Variants in TENT4B observed in about 807,000 individuals in gnomAD.
TENT4B encodes the protein terminal nucleotidyltransferase 4B.
Under a neutral mutation model 75.0 loss-of-function variants are expected in TENT4B, and 10 were observed. The ratio of observed to expected loss-of-function variants is 0.13; its 90% CI spans 0.08 to 0.23. TENT4B has a LOEUF of 0.23. Ranked by LOEUF, TENT4B falls within the 10% of genes least tolerant of loss-of-function variation. The pLI, the probability that TENT4B is intolerant of heterozygous loss-of-function variation, is 1.00. For synonymous variants in TENT4B, 350 were observed against 357.7 expected (o/e 0.98, Z 0.24); for missense variants, 579 against 893.8 (o/e 0.65, Z 4.49).
intron 1 of TENT4B, among the ~76,000 whole-genome samples, chr16:50,165,066 T>G (rs1347835635): frequency 6.6e-6 from 1 of 152,046 alleles, no homozygotes. Flanking sequence ...AAATTTTTTT[T>G]TTTTTTTACT....
rs563904430 is a variant in TENT4B at position 50,205,840 on chromosome 16, C to T, written c.639-5483C>T. 4.7e-3 allele frequency among the ~76,000 whole-genome samples: 722 copies of T among 152,228 alleles called. 4 individuals are homozygous for T. The highest frequency in any genetic ancestry group is 0.02 in the Middle Eastern group (6 of 294). ...TCCTGACATCAAGTGATCTACCCGC[C>T]TCAGCCTCCCAAAGTGCTGGGATTA... is the stretch of plus-strand genomic sequence containing the variant. On this transcript the variant is annotated intron_variant, in intron 1 of 11. Coordinates refer to ENST00000561678, the MANE Select transcript of TENT4B (RefSeq NM_001365324.3).
At chr16:50,221,324 G>A (rs571756725) in intron 5 of TENT4B, among the ~76,000 whole-genome samples, 32 of 152,320 alleles carry the variant, frequency 2.1e-4, no homozygotes, top group African/African-American at 6.0e-4. Flanking sequence ...AAGATGTTGT[G>A]CCTGCTTTGT....
rs567454925 is a variant in TENT4B, at chr16:50,233,047, G to T, written c.*3719G>T. The T allele has an allele frequency of 1.5e-5, 15 of 984,888 alleles. No homozygotes were observed. The African/African-American group carries it at 2.6e-4, about 17-fold the overall frequency. 61.0% of individuals were successfully genotyped at this position (984,888 alleles called of 1,614,324 possible). On this transcript the variant is annotated 3_prime_UTR_variant, in exon 12 of 12. Coordinates refer to ENST00000561678, the MANE Select transcript of TENT4B (RefSeq NM_001365324.3). The stretch of plus-strand genomic sequence containing the variant: ...TAGTTCATTAAACTTTCAGTTATTG[G>T]AAAGGCACATTCTCAAAGTATTTTA...
intron 5 of TENT4B, among the ~76,000 whole-genome samples, chr16:50,220,527 C>G (rs868802591): frequency 6.6e-6 from 1 of 151,662 alleles, no homozygotes; most frequent in Non-Finnish European, 1.5e-5. Context: ...ACTTAACCAC[C>G]ATGTTTTGTT....
chr16:50,227,437 T>A (rs533764665), intron 10 of TENT4B, among the ~76,000 whole-genome samples: 1 of 152,342 alleles, frequency 6.6e-6, no homozygotes, highest in Non-Finnish European at 1.5e-5. Flanking sequence ...GTTAGAATGA[T>A]CACTGATTTG....
chr16:50,167,890 C>A (rs1311109433), intron 1 of TENT4B, among the ~76,000 whole-genome samples: 2 of 152,194 alleles, frequency 1.3e-5, no homozygotes, highest in Non-Finnish European at 2.9e-5. Flanking sequence ...CTCCTGGGCT[C>A]AAGCAATCCT....
intron 5 of TENT4B, among the ~76,000 whole-genome samples, chr16:50,221,444 C>T (rs572366721): frequency 2.5e-4 from 38 of 152,206 alleles, no homozygotes; most frequent in African/African-American, 7.5e-4. Flanking sequence ...GGTGTTCTCT[C>T]GGGTAGCCCT....
At chr16:50,202,174 T>C (rs951844136) in intron 1 of TENT4B, among the ~76,000 whole-genome samples, 1 of 152,192 alleles carries the variant, frequency 6.6e-6, no homozygotes, top group African/African-American at 2.4e-5. Flanking sequence ...TCACCACTAG[T>C]ATGTTTTGGA....
Position 50,154,013 on chromosome 16 carries a change from C to T in TENT4B, c.392C>T (p.Ser131Leu), listed in dbSNP as rs1027740678. The T allele has an allele frequency of 5.9e-6, 9 of 1,533,652 alleles. No homozygotes were observed. The highest frequency in any genetic ancestry group is 7.9e-6 in the Non-Finnish European group (9 of 1,145,858). Residue 131 changes from serine (S) to leucine (L), a missense_variant, in exon 1 of 12, where the codon TCG (serine) becomes TTG (leucine). Physicochemically the swap from Ser to Leu is moderately radical, Grantham distance 145. Coordinates refer to ENST00000561678, the MANE Select transcript of TENT4B (RefSeq NM_001365324.3). ...WARRAGSSAS[S>L]PPSASSSPHP... is the part of the protein sequence containing the mutation. ...CGCCGGGCGGGCTCCTCGGCGTCCT[C>T]GCCTCCCTCGGCGTCCTCGTCCCCG...
At position 50,231,083 on chromosome 16, in the gene TENT4B, A is replaced by G. The variant is rs1049896788; in HGVS notation, c.*1755A>G. 4.1e-6 allele frequency: 4 copies of G among 983,910 alleles called. No individual in the cohort carries two copies. Among genetic ancestry groups the G allele is most frequent in the Non-Finnish European group, 4.8e-6 (4 of 828,130 alleles). 60.9% of individuals were successfully genotyped at this position (983,910 alleles called of 1,614,324 possible). On this transcript the variant is annotated 3_prime_UTR_variant, in exon 12 of 12. Transcript: ENST00000561678. ...ACTGATGTCATCACTGAAATTAACA[A>G]TTTTCAATATGTTCATATTTTAATT...
At chr16:50,223,546 C>T (rs1310129987) in intron 7 of TENT4B, 159 bp downstream of exon 7, 39 of 606,744 alleles carry the variant, frequency 6.4e-5, no homozygotes, top group Non-Finnish European at 9.6e-5. Context: ...CTAAAATAAA[C>T]AGACACAGAC....
At chr16:50,153,209 GC>G (rs2037801821), upstream of TENT4B, among the ~76,000 whole-genome samples, 2 of 137,074 alleles carry the variant, frequency 1.5e-5, no homozygotes, top group African/African-American at 2.6e-5. Context: ...AGCGAGAGGG[GC>G]GGAGCCGGCA....
At chr16:50,204,780 C>T (rs1163937356) in intron 1 of TENT4B, among the ~76,000 whole-genome samples, 2 of 152,142 alleles carry the variant, frequency 1.3e-5, no homozygotes, top group Admixed American at 6.5e-5. Context: ...CCTTGCAACG[C>T]GTTTGAGTAT....
chr16:50,180,708 C>CA (rs34092547), intron 1 of TENT4B, among the ~76,000 whole-genome samples: 79,790 of 126,614 alleles, frequency 0.63, 24,999 homozygotes, highest in South Asian at 0.72. Flanking sequence ...GACTCCATCT[C>CA]AAAAAAAAAA....
chr16:50,153,189 G>A (rs1482050828), upstream of TENT4B, among the ~76,000 whole-genome samples: 1 of 126,820 alleles, frequency 7.9e-6, no homozygotes, highest in South Asian at 2.7e-4. Flanking sequence ...GCGGTGGGGG[G>A]GGGGGGCGGA....
chr16:50,154,114 A>G lies in TENT4B; in HGVS notation c.493A>G (p.Asn165Asp). The change falls in exon 1 of 12, where the codon AAC (asparagine) becomes GAC (aspartate). Residue 165 changes from asparagine to aspartate, a missense_variant. Physicochemically the swap from Asn to Asp is conservative, Grantham distance 23. Around this residue, in one of 7 missense-constraint regions of TENT4B, gnomAD observed 253 missense variants for 270.1 expected, o/e 0.94. Transcript: ENST00000561678. ...CAGCAGCAACAAGAGGAAGCGCGAC[A>G]ACAAGGCCAGCACGTATGGACTCAA... ...SGSSNKRKRDNKASTYGLNYS... is the reference protein window; with the variant it reads ...SGSSNKRKRDDKASTYGLNYS... The G allele has an allele frequency of 1.3e-6, 2 of 1,529,396 alleles. No individual in the cohort carries two copies. Among genetic ancestry groups the G allele is most frequent in the Non-Finnish European group, 1.7e-6 (2 of 1,144,280 alleles). 94.7% of individuals were successfully genotyped at this position (1,529,396 alleles called of 1,614,324 possible).
At chr16:50,198,020 G>A (rs1428677392) in intron 1 of TENT4B, among the ~76,000 whole-genome samples, 1 of 151,182 alleles carries the variant, frequency 6.6e-6, no homozygotes, top group Admixed American at 6.6e-5. Context: ...TCTTATTTTA[G>A]TAATTCTAGC....
At chr16:50,172,501 T>C (rs1597231971) in intron 1 of TENT4B, among the ~76,000 whole-genome samples, 2 of 89,916 alleles carry the variant, frequency 2.2e-5, no homozygotes, top group Non-Finnish European at 4.1e-5. Context: ...TTTAATAGAA[T>C]TTATTACTTT....
In TENT4B at chr16:50,224,861, C is replaced by T. The variant is rs775020072; in HGVS notation, c.1509-30C>T. ...TATCTTCAAATTAATGTTATTCCCTCCCTCTCCCTTTCTTTTTAAACACAT... is the reference window on the plus strand; with the variant it reads ...TATCTTCAAATTAATGTTATTCCCTTCCTCTCCCTTTCTTTTTAAACACAT... On this transcript the variant is annotated intron_variant, in intron 8 of 11. Coordinates refer to ENST00000561678, the MANE Select transcript of TENT4B (RefSeq NM_001365324.3). 11 of 1,611,476 alleles carry T rather than the reference C, an allele frequency of 6.8e-6. No individual in the cohort carries two copies. The South Asian group carries it at 1.2e-4, about 18-fold the overall frequency.
Sources: allele counts gnomAD v4.1 joint callset (sites outside exome capture counted in the v4.1 genomes callset), GRCh38; gene constraint gnomAD v4.1.1; regional missense constraint gnomAD v4.1.1; transcripts MANE v1.5; gene names NCBI Gene and HGNC (gene_info 2026-07-23, HGNC 2026-07-21).